Variants in PCDHA4 observed in about 807,000 individuals in gnomAD.
The protein encoded by PCDHA4 is protocadherin alpha 4.
Under a neutral mutation model 61.4 loss-of-function variants are expected in PCDHA4, and 49 were observed. The ratio of observed to expected loss-of-function variants is 0.80; its 90% CI spans 0.63 to 1.01. The LOEUF (loss-of-function observed/expected upper bound fraction) is 1.01, where lower values mean the gene tolerates loss of function less well. Ranked by LOEUF, PCDHA4 falls within the 50% of genes least tolerant of loss-of-function variation. PCDHA4 has a pLI of 0.00. For missense variants in PCDHA4, 1,254 were observed against 1,235.8 expected (o/e 1.01, Z -0.22); for synonymous variants, 590 against 550.3 (o/e 1.07, Z -1.01).
At chr5:140,863,518 C>T (rs1339237201) in intron 1 of PCDHA4, 13 of 402,142 alleles carry the variant, frequency 3.2e-5, no homozygotes, top group Middle Eastern at 7.3e-4. Context: ...AGTGTTCTCC[C>T]ATGGTTCAGA....
intron 1 of PCDHA4, chr5:140,823,379 G>T (rs2150125184): frequency 6.2e-7 from 1 of 1,612,650 alleles, no homozygotes; most frequent in Non-Finnish European, 8.5e-7. Context: ...TTCCAGGTGA[G>T]CGCGCGCGAC....
intron 1 of PCDHA4, among the ~76,000 whole-genome samples, chr5:140,923,810 T>C (rs1433569913): frequency 6.6e-6 from 1 of 152,202 alleles, no homozygotes; most frequent in Non-Finnish European, 1.5e-5. Flanking sequence ...TGAAATCTTC[T>C]GAAAATAGAC....
In PCDHA4 at chr5:140,809,011, G is replaced by T; in HGVS notation, c.1824G>T (p.Ser608=). ...DADSGYNAWL[S]YELQPGTGGA... ...ACTCGGGCTACAACGCGTGGCTTTC[G>T]TACGAGCTGCAGCCGGGGACTGGTG... The change falls in exon 1 of 4, where the codon TCG becomes TCT. Residue 608 remains serine (S), a synonymous_variant. Transcript: ENST00000530339. 1 of 1,613,732 alleles carries T rather than the reference G, an allele frequency of 6.2e-7. No individual in the cohort carries two copies. The highest frequency in any genetic ancestry group is 8.5e-7 in the Non-Finnish European group (1 of 1,179,772).
chr5:140,858,039 T>C lies in PCDHA4; in HGVS notation c.2385+48467T>C, dbSNP rs782597618. On this transcript the variant is annotated intron_variant, in intron 1 of 3. Transcript: ENST00000530339. ...CCGTCGCTGACGGCCACGGCCACTG[T>C]GCTTGTGTCGCTTGTGGAGGGCAGC... 1.1e-5 allele frequency: 18 copies of C among 1,596,560 alleles called. 2 individuals are homozygous for C. The highest frequency in any genetic ancestry group is 5.5e-5 in the South Asian group (5 of 90,506).
At chr5:140,883,593 C>T (rs2059688395) in intron 1 of PCDHA4, 1 of 1,613,954 alleles carries the variant, frequency 6.2e-7, no homozygotes, top group Non-Finnish European at 8.5e-7. Context: ...GCCAGCGTGT[C>T]GGTGGGGGTG....
intron 3 of PCDHA4, among the ~76,000 whole-genome samples, chr5:140,991,495 A>C (rs1331520722): frequency 6.6e-6 from 1 of 152,220 alleles, no homozygotes; most frequent in Non-Finnish European, 1.5e-5. Flanking sequence ...GTCCACAGTG[A>C]GTTTCACTGG....
At position 141,010,146 on chromosome 5, in the gene PCDHA4, C is replaced by A. The variant is rs782795358; in HGVS notation, c.*209C>A. 1 of 1,584,410 alleles carries A rather than the reference C, an allele frequency of 6.3e-7. No individual in the cohort carries two copies. Among genetic ancestry groups the A allele is most frequent in the Non-Finnish European group, 8.6e-7 (1 of 1,164,258 alleles). The stretch of plus-strand genomic sequence containing the variant: ...TAAGTCTGGTGTTAACTCTTTCTCT[C>A]CACTCTGGCTTGTTTTCAGAACCTA... On this transcript the variant is annotated 3_prime_UTR_variant, in exon 4 of 4. Transcript: ENST00000530339.
intron 1 of PCDHA4, among the ~76,000 whole-genome samples, chr5:140,839,019 G>T (rs1394721397): frequency 3.9e-5 from 6 of 151,970 alleles, no homozygotes; most frequent in Non-Finnish European, 8.8e-5. Context: ...AATTATTTTA[G>T]GATATGTTAC....
intron 1 of PCDHA4, among the ~76,000 whole-genome samples, chr5:140,837,632 C>CCTTCCTTT (rs562891235): frequency 2.0e-5 from 3 of 151,106 alleles, no homozygotes; most frequent in Non-Finnish European, 4.4e-5. Flanking sequence ...TTCCTTCCTT[C>CCTTCCTTT]CTTTCTTTCT....
intron 1 of PCDHA4, among the ~76,000 whole-genome samples, chr5:140,914,110 A>G (rs889499995): frequency 6.6e-6 from 1 of 152,168 alleles, no homozygotes; most frequent in Non-Finnish European, 1.5e-5. Flanking sequence ...GTGCAGATTA[A>G]GTCTGATGTT....
In PCDHA4 at chr5:141,011,040, A is replaced by G. The variant is rs1467029720; in HGVS notation, c.*1103A>G. On this transcript the variant is annotated 3_prime_UTR_variant, in exon 4 of 4. Transcript: ENST00000530339. ...AATCACAGCTTTACTCTTTCAGGTCACTCTGGGGCTGCCTCTTGCATGTAT... is the reference window on the plus strand; with the variant it reads ...AATCACAGCTTTACTCTTTCAGGTCGCTCTGGGGCTGCCTCTTGCATGTAT... 1 of 153,602 alleles carries G rather than the reference A, an allele frequency of 6.5e-6. No homozygotes were observed. The highest frequency in any genetic ancestry group is 2.4e-5 in the African/African-American group (1 of 41,374). The allele number at this position is 153,602 out of a possible 1,614,324, so 9.5% of individuals were successfully genotyped here.
intron 1 of PCDHA4, chr5:140,848,326 C>T (rs1554142056): frequency 2.5e-6 from 2 of 808,244 alleles, no homozygotes; most frequent in African/African-American, 3.4e-5. Flanking sequence ...GATGTTCTCT[C>T]TGAATCCAGA....
chr5:140,853,370 G>T lies in PCDHA4; in HGVS notation c.2385+43798G>T, dbSNP rs1365315114. On this transcript the variant is annotated intron_variant, in intron 1 of 3. Coordinates refer to ENST00000530339, the MANE Select transcript of PCDHA4 (RefSeq NM_018907.4). ...CATGAACTCACAGGGATCCAGAGAT[G>T]GTAAAATTCAAAACAGCCTGTCAAG... 3 of 983,178 alleles carry T rather than the reference G, an allele frequency of 3.1e-6. 1 individual carries two copies. The highest frequency in any genetic ancestry group is 3.7e-6 in the Non-Finnish European group (3 of 815,894). The allele number at this position is 983,178 out of a possible 1,614,324, so 60.9% of individuals were successfully genotyped here. A position where few individuals can be genotyped will look rare whatever the true frequency, so the allele number is the denominator to read the frequency against.
chr5:140,962,757 T>C (rs1554226219), intron 1 of PCDHA4, among the ~76,000 whole-genome samples: 1 of 152,240 alleles, frequency 6.6e-6, no homozygotes, highest in Non-Finnish European at 1.5e-5. Context: ...GGAATCCTAT[T>C]CGTTTTTAAC....
At chr5:140,958,868 A>G (rs2095446207) in intron 1 of PCDHA4, among the ~76,000 whole-genome samples, 2 of 152,108 alleles carry the variant, frequency 1.3e-5, no homozygotes, top group Non-Finnish European at 2.9e-5. Context: ...CTGGGTTTAT[A>G]AAAGAATTGA....
At chr5:140,851,475 T>C (rs1554145417) in intron 1 of PCDHA4, 2 of 890,456 alleles carry the variant, frequency 2.2e-6, no homozygotes, top group African/African-American at 3.6e-5. Flanking sequence ...CAATAAATGT[T>C]ATAAACACAG....
chr5:140,943,359 G>T (rs1374185019), intron 1 of PCDHA4, among the ~76,000 whole-genome samples: 2 of 151,772 alleles, frequency 1.3e-5, no homozygotes, highest in Non-Finnish European at 2.9e-5. Flanking sequence ...TAGAGGAAAG[G>T]AGATCATTAA....
At chr5:140,941,185 CTTTT>C (rs782102770) in intron 1 of PCDHA4, among the ~76,000 whole-genome samples, 59 of 102,236 alleles carry the variant, frequency 5.8e-4, no homozygotes, top group South Asian at 3.1e-3. Context: ...CATCCTGCTT[CTTTT>C]TTTTTCTTTC....
chr5:140,842,007 T>C (rs2150327218), intron 1 of PCDHA4: 2 of 1,613,612 alleles, frequency 1.2e-6, no homozygotes, highest in East Asian at 2.2e-5. Flanking sequence ...GTTCAGCTGC[T>C]GGTCACAGTG....
Sources: allele counts gnomAD v4.1 joint callset (sites outside exome capture counted in the v4.1 genomes callset), GRCh38; gene constraint gnomAD v4.1.1; transcripts MANE v1.5; gene names NCBI Gene and HGNC (gene_info 2026-07-23, HGNC 2026-07-21).